The following APMAP variants were observed in gnomAD, a reference collection of about 807,000 sequenced individuals.
APMAP encodes adipocyte plasma membrane-associated protein.
APMAP carries 33 observed loss-of-function variants against 43.6 expected under a neutral mutation model. The ratio of observed to expected loss-of-function variants is 0.76; its 90% CI spans 0.57 to 1.01. The LOEUF (loss-of-function observed/expected upper bound fraction) is 1.01, where lower values mean the gene tolerates loss of function less well. Ranked by LOEUF, APMAP falls within the 50% of genes least tolerant of loss-of-function variation. The pLI is 0.00. For synonymous variants in APMAP, 224 were observed against 216.7 expected (o/e 1.03, Z -0.30); for missense variants, 498 against 540.7 (o/e 0.92, Z 0.78).
intron 2 of APMAP, among the ~76,000 whole-genome samples, chr20:24,982,136 A>C (rs753982322): frequency 1.3e-5 from 2 of 151,234 alleles, no homozygotes; most frequent in Non-Finnish European, 2.9e-5. Context: ...CCCAGGAGAG[A>C]GGTCCCTGTT....
At chr20:24,984,465 A>G (rs1332285315) in intron 1 of APMAP, among the ~76,000 whole-genome samples, 1 of 152,228 alleles carries the variant, frequency 6.6e-6, no homozygotes, top group Non-Finnish European at 1.5e-5. Flanking sequence ...ATGCAGCCCT[A>G]AGATTCTCAC....
At chr20:24,973,834 C>T in intron 3 of APMAP, 97 bp from the exon 4 acceptor site, 1 of 1,032,440 alleles carries the variant, frequency 9.7e-7, no homozygotes, top group South Asian at 1.4e-5. Flanking sequence ...CATGTTCCCC[C>T]TGCCCTATAG....
chr20:24,965,259 G>A (rs2122477229), intron 8 of APMAP, among the ~76,000 whole-genome samples: 1 of 152,358 alleles, frequency 6.6e-6, no homozygotes, highest in East Asian at 1.9e-4. Context: ...TGTTGTGTGT[G>A]TCCCTGGCCT....
At chr20:24,990,650 A>G (rs1357886430) in intron 1 of APMAP, among the ~76,000 whole-genome samples, 1 of 152,234 alleles carries the variant, frequency 6.6e-6, no homozygotes, top group Non-Finnish European at 1.5e-5. Flanking sequence ...TACTTCGCCC[A>G]CTATACACAG....
intron 8 of APMAP, among the ~76,000 whole-genome samples, chr20:24,966,923 C>T (rs936081984): frequency 2.6e-5 from 4 of 152,064 alleles, no homozygotes; most frequent in Non-Finnish European, 5.9e-5. Context: ...GCCGCTAACT[C>T]GGAAACAGTG....
intron 6 of APMAP, 77 bp downstream of exon 6, chr20:24,970,120 A>G: frequency 1.3e-6 from 2 of 1,536,246 alleles, no homozygotes; most frequent in South Asian, 1.2e-5. Flanking sequence ...CTTGGTCCCT[A>G]GAAGTAACAG....
chr20:24,967,144 A>T (rs555350839), intron 8 of APMAP, among the ~76,000 whole-genome samples: 1 of 151,994 alleles, frequency 6.6e-6, no homozygotes, highest in Non-Finnish European at 1.5e-5. Context: ...AAATACAAAA[A>T]ATTAGCCAAG....
At chr20:24,968,871 A>AT in intron 8 of APMAP, 21 bp downstream of exon 8, 1 of 1,557,932 alleles carries the variant, frequency 6.4e-7, no homozygotes, top group Non-Finnish European at 8.7e-7. Flanking sequence ...TCTTTCTTGG[A>AT]ATAACAGTTT....
chr20:24,978,751 C>G lies in APMAP; in HGVS notation c.328+16G>C, dbSNP rs75493293. ...ACAGCCTGGAAGGCTCCCCCCCCAC[C>G]CAAGCTTAGACTTACCCCCAATATG... On this transcript the variant is annotated intron_variant, in intron 3 of 8. Coordinates refer to ENST00000217456, the MANE Select transcript of APMAP (RefSeq NM_020531.3). 4.1e-6 allele frequency: 6 copies of G among 1,463,218 alleles called. No homozygotes were observed. The highest frequency in any genetic ancestry group is 2.3e-5 in the South Asian group (2 of 87,386). 90.6% of individuals were successfully genotyped at this position (1,463,218 alleles called of 1,614,324 possible).
intron 1 of APMAP, among the ~76,000 whole-genome samples, chr20:24,984,319 T>G (rs949693032): frequency 6.6e-6 from 1 of 152,170 alleles, no homozygotes; most frequent in African/African-American, 2.4e-5. Context: ...CTCAAAGAAC[T>G]GATGAACACA....
chr20:24,976,968 T>C (rs1193425183), intron 3 of APMAP, among the ~76,000 whole-genome samples: 3 of 152,202 alleles, frequency 2.0e-5, no homozygotes, highest in African/African-American at 7.2e-5. Flanking sequence ...TACATAACAT[T>C]CTGGAAAAGG....
At chr20:24,971,287 G>T (rs995965338) in intron 5 of APMAP, among the ~76,000 whole-genome samples, 173 bp downstream of exon 5, 1 of 152,160 alleles carries the variant, frequency 6.6e-6, no homozygotes, top group Non-Finnish European at 1.5e-5. Context: ...GAGTTTTCTG[G>T]TGTTTAAAAC....
At chr20:24,978,929 G>A in intron 2 of APMAP, 47 bp from the exon 3 acceptor site, 1 of 1,461,416 alleles carries the variant, frequency 6.8e-7, no homozygotes, top group Non-Finnish European at 9.6e-7. Flanking sequence ...ATACACATGT[G>A]AAGAAAATGT....
chr20:24,984,143 C>A lies in APMAP; in HGVS notation c.96-124G>T. 12 of 661,998 alleles carry A rather than the reference C, an allele frequency of 1.8e-5. 1 individual carries two copies. The South Asian group carries it at 2.2e-4, about 12-fold the overall frequency. The allele number at this position is 661,998 out of a possible 1,614,324, so 41.0% of individuals were successfully genotyped here. On this transcript the variant is annotated intron_variant, in intron 1 of 8. Transcript: ENST00000217456. The stretch of plus-strand genomic sequence containing the variant: ...TCCAGTTTCCCCACTGCAAGCTGGC[C>A]GACCTCTGGCTTGTGATTAAACTCT...
chr20:24,972,265 T>G (rs895896506), intron 4 of APMAP, among the ~76,000 whole-genome samples: 3 of 131,512 alleles, frequency 2.3e-5, no homozygotes, highest in Non-Finnish European at 4.8e-5. Context: ...CAGGTGCTTA[T>G]TGCAGGGTGT....
chr20:24,976,622 G>A (rs192174426), intron 3 of APMAP, among the ~76,000 whole-genome samples: 30 of 152,306 alleles, frequency 2.0e-4, no homozygotes, highest in African/African-American at 4.8e-4. Context: ...CTTTGGAAAC[G>A]CTTGGTGGTT....
intron 8 of APMAP, 133 bp from the exon 9 acceptor site, chr20:24,964,155 C>T: frequency 1.1e-6 from 1 of 943,156 alleles, no homozygotes; most frequent in Admixed American, 2.1e-5. Context: ...CAGGGCAGTG[C>T]CCCACAGGAC....
rs780775339 is a variant in APMAP at position 24,969,633 on chromosome 20, C to T, written c.741G>A (p.Arg247=). The T allele has an allele frequency of 1.9e-6, 3 of 1,613,932 alleles. No individual in the cohort carries two copies. Among genetic ancestry groups the T allele is most frequent in the African/African-American group, 2.7e-5 (2 of 75,048 alleles). ...GCTGGTCCAATAAAACTTTTACTTC[C>T]CTGGTCACAGTATCATACTCCAGCA... ...GRLLEYDTVT[R]EVKVLLDQLR... The change falls in exon 7 of 9, where the codon AGG becomes AGA. Residue 247 remains arginine (R), a synonymous_variant. Transcript: ENST00000217456.
At chr20:24,966,937 G>A (rs2087949656) in intron 8 of APMAP, among the ~76,000 whole-genome samples, 1 of 151,978 alleles carries the variant, frequency 6.6e-6, no homozygotes, top group South Asian at 2.1e-4. Context: ...AACAGTGCTG[G>A]GAAAAAAATC....
Sources: gnomAD v4.1 joint callset for allele counts (sites outside exome capture counted in the v4.1 genomes callset) on GRCh38, gnomAD v4.1.1 for gene constraint, MANE v1.5 for transcripts, NCBI Gene and HGNC (gene_info 2026-07-23, HGNC 2026-07-21) for gene names.